The following RBM26 variants were observed in gnomAD, a reference collection of about 807,000 sequenced individuals.
RBM26 encodes RNA binding motif protein 26.
In RBM26, 30 loss-of-function variants were observed where a neutral mutation model predicts 123.6. The observed-to-expected ratio is 0.24, with a 90% CI of 0.18 to 0.33. The LOEUF (loss-of-function observed/expected upper bound fraction) is 0.33, where lower values mean the gene tolerates loss of function less well. Among genes scored for constraint, RBM26 ranks in the 10% least tolerant of loss-of-function variants. The pLI is 1.00. For synonymous variants in RBM26, 400 were observed against 404.4 expected (o/e 0.99, Z 0.13); for missense variants, 947 against 1,203.6 (o/e 0.79, Z 3.15).
chr13:79,386,658 GTTT>G (rs71204717), intron 1 of RBM26, among the ~76,000 whole-genome samples: 1 of 133,280 alleles, frequency 7.5e-6, no homozygotes, highest in Non-Finnish European at 1.6e-5. Context: ...CATATTTAGG[GTTT>G]TTTTTTTTTT....
At chr13:79,374,680 C>T (rs1354311939) in intron 3 of RBM26, among the ~76,000 whole-genome samples, 1 of 151,250 alleles carries the variant, frequency 6.6e-6, no homozygotes, top group African/African-American at 2.4e-5. Flanking sequence ...GGTACTAATA[C>T]GACCCTTCTG....
chr13:79,377,620 A>G, intron 2 of RBM26, 105 bp from the exon 3 acceptor site: 1 of 930,070 alleles, frequency 1.1e-6, no homozygotes, highest in Non-Finnish European at 1.6e-6. Context: ...CTTGACTTTT[A>G]TAAACTAGAA....
At chr13:79,336,622 C>T (rs1053261303) in intron 19 of RBM26, among the ~76,000 whole-genome samples, 4 of 152,126 alleles carry the variant, frequency 2.6e-5, no homozygotes, top group African/African-American at 9.7e-5. Context: ...AATATATTAC[C>T]ATTATACAAA....
chr13:79,344,047 T>C (rs569810609), intron 16 of RBM26, among the ~76,000 whole-genome samples: 9 of 152,190 alleles, frequency 5.9e-5, no homozygotes, highest in South Asian at 2.1e-4. Flanking sequence ...TAATTTCATG[T>C]TGATAACTAT....
Position 79,399,918 on chromosome 13 carries a change from G to A in RBM26, c.71+5786C>T, listed in dbSNP as rs543961364. Among the ~76,000 whole-genome samples the A allele has an allele frequency of 2.6e-5, 4 of 152,188 alleles. No homozygotes were observed. In the South Asian group the frequency reaches 8.3e-4, roughly 32 times the overall value. Reference sequence around the variant, plus strand: ...TCAGAAATTAGTTTGAAGTTTAGATGAGCGATCCAAGCAGATATACAGCCA... The same window carrying A: ...TCAGAAATTAGTTTGAAGTTTAGATAAGCGATCCAAGCAGATATACAGCCA... On this transcript the variant is annotated intron_variant, in intron 1 of 21. Transcript: ENST00000438737.
intron 14 of RBM26, among the ~76,000 whole-genome samples, chr13:79,345,134 C>T (rs149543272): frequency 6.8e-4 from 104 of 152,242 alleles, no homozygotes; most frequent in Non-Finnish European, 1.1e-3. Flanking sequence ...GTGACTAAAG[C>T]AGAAGCCACA....
chr13:79,356,357 G>T (rs1285064811), intron 11 of RBM26, among the ~76,000 whole-genome samples: 1 of 123,330 alleles, frequency 8.1e-6, no homozygotes, highest in African/African-American at 3.0e-5. Flanking sequence ...TGACAAGAGT[G>T]AGACTCTGTC....
At chr13:79,381,551 G>A (rs1470487116) in intron 1 of RBM26, among the ~76,000 whole-genome samples, 1 of 151,894 alleles carries the variant, frequency 6.6e-6, no homozygotes, top group Non-Finnish European at 1.5e-5. Context: ...CTTATTAGTG[G>A]TTTTTCCAGT....
At chr13:79,339,878 G>A (rs1017398570) in intron 18 of RBM26, among the ~76,000 whole-genome samples, 3 of 152,026 alleles carry the variant, frequency 2.0e-5, no homozygotes, top group Non-Finnish European at 2.9e-5. Context: ...AACACACTCT[G>A]GGAAGTACTG....
chr13:79,322,295 T>C lies in RBM26; in HGVS notation c.2934+54A>G, dbSNP rs916819494. The C allele has an allele frequency of 7.8e-6, 9 of 1,153,820 alleles. No homozygotes were observed. The African/African-American group carries it at 1.3e-4, about 17-fold the overall frequency. The allele number at this position is 1,153,820 out of a possible 1,614,324, so 71.5% of individuals were successfully genotyped here. A position where few individuals can be genotyped will look rare whatever the true frequency, so the allele number is the denominator to read the frequency against. On this transcript the variant is annotated intron_variant, in intron 21 of 21. Transcript: ENST00000438737. ...TCACGGCCATAAAAATCACATTTTA[T>C]ATAAAAGCTATGAACGATTAAGGGT...
chr13:79,350,855 G>A (rs1327504204), intron 14 of RBM26, among the ~76,000 whole-genome samples: 2 of 152,060 alleles, frequency 1.3e-5, no homozygotes, highest in East Asian at 3.9e-4. Context: ...CTAAGGATTA[G>A]GGGAACAGAA....
Position 79,337,227 on chromosome 13 carries a change from G to T in RBM26, c.2608C>A (p.Arg870=), listed in dbSNP as rs746301710. ...CGCCCTCGCCCTCGCCCCCTGCCTC[G>T]GCCATGAACTGCACCTCGACCTCTT... The part of the protein sequence containing the change: ...HSRGRGAVHG[R]GRGRGRGRGV... The change falls in exon 19 of 22, where the codon CGA becomes AGA. Residue 870 remains arginine, a synonymous_variant. Coordinates refer to ENST00000438737, the MANE Select transcript of RBM26 (RefSeq NM_001366735.2). 6.2e-7 allele frequency: 1 copy of T among 1,614,046 alleles called. No homozygotes were observed. Among genetic ancestry groups the T allele is most frequent in the Non-Finnish European group, 8.5e-7 (1 of 1,180,022 alleles).
chr13:79,403,517 T>C (rs1161593593), intron 1 of RBM26, among the ~76,000 whole-genome samples: 1 of 152,244 alleles, frequency 6.6e-6, no homozygotes, highest in Non-Finnish European at 1.5e-5. Flanking sequence ...AAAGGAAAGC[T>C]ATTTCAATCC....
chr13:79,355,145 A>G, intron 12 of RBM26, 75 bp downstream of exon 12: 8 of 1,367,608 alleles, frequency 5.8e-6, no homozygotes, highest in Non-Finnish European at 8.2e-6. Flanking sequence ...CTTGATTCCA[A>G]TGCCTCTACT....
At chr13:79,391,427 T>A (rs2077973698) in intron 1 of RBM26, among the ~76,000 whole-genome samples, 1 of 152,170 alleles carries the variant, frequency 6.6e-6, no homozygotes, top group African/African-American at 2.4e-5. Flanking sequence ...CATTTCTTTT[T>A]GTGTGTGTGT....
chr13:79,317,304 C>T (rs77669805), downstream of RBM26, among the ~76,000 whole-genome samples: 2,732 of 151,558 alleles, frequency 0.018, 84 homozygotes, highest in African/African-American at 0.062. Flanking sequence ...AAAACAACAA[C>T]GATAACAGGG....
At chr13:79,332,407 A>G (rs1487992465) in intron 20 of RBM26, among the ~76,000 whole-genome samples, 1 of 152,216 alleles carries the variant, frequency 6.6e-6, no homozygotes, top group Admixed American at 6.5e-5. Context: ...GTTCCCTGAA[A>G]TCCAAAAGTT....
At position 79,322,388 on chromosome 13, in the gene RBM26, T is replaced by G. The variant is rs762457496; in HGVS notation, c.2895A>C (p.Ser965=). 4.4e-6 allele frequency: 7 copies of G among 1,578,370 alleles called. No homozygotes were observed. The East Asian group carries it at 1.6e-4, about 37-fold the overall frequency. The change falls in exon 21 of 22, where the codon TCA becomes TCC. Residue 965 remains serine (S), a synonymous_variant. Transcript: ENST00000438737. The part of the protein sequence containing the change: ...LAWNKPVTNI[S]AVETEEVEPD... ...GCTCAACTTCTTCTGTTTCAACAGCTGAAATATTAGTTACTGGTTTATTCC... is the reference window on the plus strand; with the variant it reads ...GCTCAACTTCTTCTGTTTCAACAGCGGAAATATTAGTTACTGGTTTATTCC...
chr13:79,374,803 A>G (rs1328640569), intron 3 of RBM26, among the ~76,000 whole-genome samples: 2 of 151,962 alleles, frequency 1.3e-5, no homozygotes, highest in African/African-American at 4.8e-5. Context: ...ACAGCATTTT[A>G]AACGTAGATT....
Sources: gnomAD v4.1 joint callset for allele counts (sites outside exome capture counted in the v4.1 genomes callset) on GRCh38, gnomAD v4.1.1 for gene constraint, MANE v1.5 for transcripts, NCBI Gene and HGNC (gene_info 2026-07-23, HGNC 2026-07-21) for gene names.